The following UBXN6 variants were observed in gnomAD, a reference collection of about 807,000 sequenced individuals.
UBXN6 encodes UBX domain protein 6.
In UBXN6, 44 loss-of-function variants were observed where a neutral mutation model predicts 51.4. The ratio of observed to expected loss-of-function variants is 0.86; its 90% CI spans 0.67 to 1.10. UBXN6 has a LOEUF of 1.10. Ranked by LOEUF, UBXN6 falls within the 50% of genes least tolerant of loss-of-function variation. The probability of loss-of-function intolerance (pLI) is 0.00; values close to 1 mark genes in which losing one functional copy is unlikely to be tolerated. For missense variants in UBXN6, 672 were observed against 596.1 expected (o/e 1.13, Z -1.32); for synonymous variants, 316 against 263.2 (o/e 1.20, Z -1.94).
At chr19:4,447,049 T>A in intron 6 of UBXN6, 129 bp from the exon 7 acceptor site, 2 of 882,884 alleles carry the variant, frequency 2.3e-6, no homozygotes, top group Non-Finnish European at 3.5e-6. Flanking sequence ...GGCCCAGCCC[T>A]GGGGGTGCCT....
intron 4 of UBXN6, chr19:4,450,212 ACT>A (rs1027663374): frequency 7.3e-6 from 1 of 137,632 alleles, no homozygotes; most frequent in Non-Finnish European, 1.5e-5. Flanking sequence ...TGACAGCAAG[ACT>A]CTGTCTCAAA....
At position 4,457,760 on chromosome 19, in the gene UBXN6, A is replaced by T; in HGVS notation, c.-63T>A. On this transcript the variant is annotated 5_prime_UTR_variant, in exon 1 of 11. Coordinates refer to ENST00000301281, the MANE Select transcript of UBXN6 (RefSeq NM_025241.3). The stretch of plus-strand genomic sequence containing the variant: ...GGGGGGGCACGGGGCCCAGTCGGGG[A>T]CGGGGCCGCCGGAGACCAGCCACCG... The T allele has an allele frequency of 2.7e-6, 2 of 737,292 alleles. No homozygotes were observed. Among genetic ancestry groups the T allele is most frequent in the Non-Finnish European group, 3.7e-6 (2 of 533,406 alleles). 45.7% of individuals were successfully genotyped at this position (737,292 alleles called of 1,614,324 possible).
chr19:4,452,506 A>G lies in UBXN6; in HGVS notation c.313-14T>C. 6.2e-7 allele frequency: 1 copy of G among 1,607,430 alleles called. No homozygotes were observed. Among genetic ancestry groups the G allele is most frequent in the Non-Finnish European group, 8.5e-7 (1 of 1,178,408 alleles). On this transcript the variant is annotated splice_polypyrimidine_tract_variant and intron_variant, in intron 3 of 10. Coordinates refer to ENST00000301281, the MANE Select transcript of UBXN6 (RefSeq NM_025241.3). ...GGGCTCAGATACCTGGGGCGGTGAA[A>G]GCGTCCAAGTCTGGACCGTGGACAG...
Position 4,446,215 on chromosome 19 carries a change from CAG to C in UBXN6, c.1052-20_1052-19del. On this transcript the variant is annotated intron_variant, in intron 9 of 10. Transcript: ENST00000301281. The stretch of plus-strand genomic sequence containing the variant: ...GAAAGTGCCTGGGGAGTGGGGGAGT[CAG>C]AGCGGGTGGGGCCCAGGGCCCCCTA... 6.3e-7 allele frequency: 1 copy of C among 1,590,444 alleles called. No individual in the cohort carries two copies.
rs1324762327 is a variant in UBXN6 at position 4,445,417 on chromosome 19, TG to T, written c.*80del. 5 of 1,587,194 alleles carry T rather than the reference TG, an allele frequency of 3.2e-6. No homozygotes were observed. Among genetic ancestry groups the T allele is most frequent in the Non-Finnish European group, 4.3e-6 (5 of 1,163,566 alleles). On this transcript the variant is annotated 3_prime_UTR_variant, in exon 11 of 11. Transcript: ENST00000301281. ...GAGCCAAGTATTTCCAGAGGTGGCT[TG>T]GAGGCCCTGGGGTGGCGGGGAGAGG...
In UBXN6 at chr19:4,446,129, A is replaced by G. The variant is rs1288070888; in HGVS notation, c.1120T>C (p.Trp374Arg). 6.2e-7 allele frequency: 1 copy of G among 1,612,342 alleles called. No homozygotes were observed. Among genetic ancestry groups the G allele is most frequent in the Non-Finnish European group, 8.5e-7 (1 of 1,179,900 alleles). The change falls in exon 10 of 11, where the codon TGG becomes CGG. Residue 374 changes from tryptophan (W) to arginine (R), a missense_variant. Coordinates refer to ENST00000301281, the MANE Select transcript of UBXN6 (RefSeq NM_025241.3). ...GFVREALQSD[W>R]LPFELLASGG... ...GAGGCCAGCAGCTCAAAAGGCAGCCAGTCGCTCTGCAGGGCCTCCCGGACG... is the reference window on the plus strand; with the variant it reads ...GAGGCCAGCAGCTCAAAAGGCAGCCGGTCGCTCTGCAGGGCCTCCCGGACG...
At chr19:4,448,777 C>T in intron 4 of UBXN6, 1 of 259,474 alleles carries the variant, frequency 3.9e-6, no homozygotes, top group Non-Finnish European at 7.6e-6. Flanking sequence ...TACAGAACCT[C>T]CCGCCACCAT....
Position 4,453,464 on chromosome 19 carries a change from G to A in UBXN6, c.306C>T (p.Thr102=), listed in dbSNP as rs549316399. ...TVSGSPEAPG[T]NVVSEPREEG... The stretch of plus-strand genomic sequence containing the variant: ...CACCAGTGGCTGTTCTTACCACGTT[G>A]GTCCCTGGGGCCTCGGGGCTCCCGC... Residue 102 remains threonine, a synonymous_variant, in exon 3 of 11, where the codon ACC becomes ACT. Coordinates refer to ENST00000301281, the MANE Select transcript of UBXN6 (RefSeq NM_025241.3). 8 of 1,613,456 alleles carry A rather than the reference G, an allele frequency of 5.0e-6. No homozygotes were observed. In the African/African-American group the frequency reaches 1.1e-4, roughly 21 times the overall value.
At chr19:4,455,116 G>T in intron 1 of UBXN6, 1 of 750,158 alleles carries the variant, frequency 1.3e-6, no homozygotes, top group Non-Finnish European at 1.6e-6. Context: ...AACCCACGTG[G>T]CACAGTGACC....
rs777946490 is a variant in UBXN6 at position 4,457,737 on chromosome 19, G to C, written c.-40C>G. ...CGGCGGCGGGGGGCCGCGGGGGCGG[G>C]GGGGCACGGGGCCCAGTCGGGGACG... On this transcript the variant is annotated 5_prime_UTR_variant, in exon 1 of 11. Transcript: ENST00000301281. 1.4e-6 allele frequency: 2 copies of C among 1,401,684 alleles called. No individual in the cohort carries two copies. Among genetic ancestry groups the C allele is most frequent in the South Asian group, 1.3e-5 (1 of 76,906 alleles). The allele number at this position is 1,401,684 out of a possible 1,614,324, so 86.8% of individuals were successfully genotyped here.
chr19:4,452,580 A>T, intron 3 of UBXN6, 88 bp from the exon 4 acceptor site: 1 of 1,474,350 alleles, frequency 6.8e-7, no homozygotes, highest in South Asian at 1.4e-5. Flanking sequence ...TGTGGCCCGT[A>T]GAACCAGACA....
chr19:4,455,318 C>G, intron 1 of UBXN6: 1 of 985,380 alleles, frequency 1.0e-6, no homozygotes, highest in East Asian at 1.1e-4. Context: ...GCTTACATAC[C>G]CGGGCAGCCC....
chr19:4,451,095 T>C (rs1974646056), intron 4 of UBXN6, among the ~76,000 whole-genome samples: 1 of 152,122 alleles, frequency 6.6e-6, no homozygotes. Flanking sequence ...TGTCACCCAG[T>C]GTCCACGCTG....
rs1974526600 is a variant in UBXN6 at position 4,446,490 on chromosome 19, T to A, written c.920+10A>T. The A allele has an allele frequency of 6.2e-7, 1 of 1,603,336 alleles. No homozygotes were observed. The highest frequency in any genetic ancestry group is 1.3e-5 in the African/African-American group (1 of 74,824). On this transcript the variant is annotated intron_variant, in intron 8 of 10. Coordinates refer to ENST00000301281, the MANE Select transcript of UBXN6 (RefSeq NM_025241.3). ...CCCGCCCCACTCTGCTCCGCGGACG[T>A]CAGGCCCACCTGAGCCTCTGCTCCC... is the stretch of plus-strand genomic sequence containing the variant.
chr19:4,454,496 T>TA (rs987697378), intron 1 of UBXN6, among the ~76,000 whole-genome samples: 5 of 152,134 alleles, frequency 3.3e-5, no homozygotes, highest in Admixed American at 2.0e-4. Flanking sequence ...GATCATGGCT[T>TA]ACTGCAATCC....
chr19:4,453,417 A>G (rs759095056), intron 3 of UBXN6, 41 bp downstream of exon 3: 1 of 1,600,170 alleles, frequency 6.2e-7, no homozygotes, highest in Non-Finnish European at 8.5e-7. Flanking sequence ...AGCTGTCCCC[A>G]CCCCTTGGCA....
Position 4,445,042 on chromosome 19 carries a change from T to TACTA in UBXN6, c.*452_*455dup, listed in dbSNP as rs1974474473. On this transcript the variant is annotated 3_prime_UTR_variant, in exon 11 of 11. Coordinates refer to ENST00000301281, the MANE Select transcript of UBXN6 (RefSeq NM_025241.3). ...AACCTGTTTATTTGGGCTTATGATT[T>TACTA]ACTAACTGCAGGTCTATGTGCAGGA... 6.1e-6 allele frequency: 1 copy of TACTA among 164,772 alleles called. No individual in the cohort carries two copies. The highest frequency in any genetic ancestry group is 1.3e-5 in the Non-Finnish European group (1 of 75,760). The allele number at this position is 164,772 out of a possible 1,614,324, so 10.2% of individuals were successfully genotyped here.
rs938936775 is a variant in UBXN6, at chr19:4,446,133, G to A, written c.1116C>T (p.Ser372=). ...CCAGCAGCTCAAAAGGCAGCCAGTC[G>A]CTCTGCAGGGCCTCCCGGACGAACC... ...VYGFVREALQ[S]DWLPFELLAS... is the part of the protein sequence containing the mutation. Residue 372 remains serine, a synonymous_variant, in exon 10 of 11, where the codon AGC becomes AGT. Transcript: ENST00000301281. 7 of 1,612,030 alleles carry A rather than the reference G, an allele frequency of 4.3e-6. No homozygotes were observed. Among genetic ancestry groups the A allele is most frequent in the African/African-American group, 4.0e-5 (3 of 74,914 alleles).
In UBXN6 at chr19:4,457,711, C is replaced by G. The variant is rs764749887; in HGVS notation, c.-14G>C. On this transcript the variant is annotated 5_prime_UTR_variant, in exon 1 of 11. Transcript: ENST00000301281. ...GAATTTCTTCATGGTGGCGGCTGGC[C>G]CGGCGGCGGGGGGCCGCGGGGGCGG... 1 of 1,526,560 alleles carries G rather than the reference C, an allele frequency of 6.6e-7. No individual in the cohort carries two copies. The highest frequency in any genetic ancestry group is 8.8e-7 in the Non-Finnish European group (1 of 1,141,964). The allele number at this position is 1,526,560 out of a possible 1,614,324, so 94.6% of individuals were successfully genotyped here. A position where few individuals can be genotyped will look rare whatever the true frequency, so the allele number is the denominator to read the frequency against.
Sources: allele counts gnomAD v4.1 joint callset (sites outside exome capture counted in the v4.1 genomes callset), GRCh38; gene constraint gnomAD v4.1.1; transcripts MANE v1.5; gene names NCBI Gene and HGNC (gene_info 2026-07-23, HGNC 2026-07-21).